PPM1H: variants seen among roughly 807,000 people sequenced by gnomAD.
PPM1H encodes the protein protein phosphatase 1H.
In PPM1H, 27 loss-of-function variants were observed where a neutral mutation model predicts 54.9. The observed-to-expected ratio is 0.49, with a 90% CI of 0.36 to 0.68. PPM1H has a LOEUF of 0.68. PPM1H is among the 30% of genes least tolerant of loss of function. The pLI is 0.00. For synonymous variants in PPM1H, 305 were observed against 270.8 expected (o/e 1.13, Z -1.24); for missense variants, 596 against 667.8 (o/e 0.89, Z 1.19).
intron 1 of PPM1H, among the ~76,000 whole-genome samples, chr12:62,871,096 A>T (rs1475572925): frequency 1.3e-5 from 2 of 152,166 alleles, no homozygotes; most frequent in Non-Finnish European, 2.9e-5. Flanking sequence ...TCACACAAAA[A>T]CTTGTACATT....
intron 4 of PPM1H, among the ~76,000 whole-genome samples, 198 bp downstream of exon 4, chr12:62,788,028 C>T (rs1265698782): frequency 1.3e-5 from 2 of 152,188 alleles, no homozygotes; most frequent in African/African-American, 2.4e-5. Flanking sequence ...TTATCACAGA[C>T]GTGTACATGA....
At chr12:62,725,715 G>A (rs2076286087) in intron 5 of PPM1H, among the ~76,000 whole-genome samples, 2 of 152,114 alleles carry the variant, frequency 1.3e-5, no homozygotes, top group African/African-American at 4.8e-5. Flanking sequence ...GATGGGTGAG[G>A]AAATCTTTTC....
chr12:62,680,329 T>C (rs1409335793), intron 8 of PPM1H, among the ~76,000 whole-genome samples: 2 of 150,608 alleles, frequency 1.3e-5, no homozygotes, highest in East Asian at 2.0e-4. Context: ...CTCTCTCTCT[T>C]TCTTTCTGTT....
At chr12:62,675,013 T>C (rs966274001) in intron 8 of PPM1H, among the ~76,000 whole-genome samples, 1 of 152,214 alleles carries the variant, frequency 6.6e-6, no homozygotes, top group Non-Finnish European at 1.5e-5. Flanking sequence ...ATGTAACTGA[T>C]CACAGGACTT....
intron 1 of PPM1H, among the ~76,000 whole-genome samples, chr12:62,927,382 G>A (rs1592674753): frequency 1.3e-5 from 2 of 152,110 alleles, no homozygotes; most frequent in South Asian, 4.1e-4. Flanking sequence ...GTTGGAGGCC[G>A]GGTGCGGTGG....
chr12:62,798,080 T>A (rs994964270), intron 3 of PPM1H, among the ~76,000 whole-genome samples: 2 of 152,134 alleles, frequency 1.3e-5, no homozygotes, highest in African/African-American at 4.8e-5. Context: ...CAGGTCTCAA[T>A]CCATTCAGTT....
intron 9 of PPM1H, among the ~76,000 whole-genome samples, chr12:62,654,309 C>T (rs905638759): frequency 2.7e-5 from 4 of 150,700 alleles, no homozygotes; most frequent in African/African-American, 9.8e-5. Flanking sequence ...GGCACACGCA[C>T]TAGGAGGCAA....
At chr12:62,891,428 T>C (rs1260406027) in intron 1 of PPM1H, among the ~76,000 whole-genome samples, 3 of 152,198 alleles carry the variant, frequency 2.0e-5, no homozygotes, top group Non-Finnish European at 4.4e-5. Context: ...TTTAGATAAT[T>C]AGATTTTTCC....
chr12:62,753,971 T>C (rs939725677), intron 4 of PPM1H, among the ~76,000 whole-genome samples: 3 of 152,134 alleles, frequency 2.0e-5, no homozygotes, highest in South Asian at 2.1e-4. Flanking sequence ...CCCTCTCACA[T>C]TGAGAAGGTG....
At chr12:62,850,402 A>G (rs1947929001) in intron 1 of PPM1H, among the ~76,000 whole-genome samples, 1 of 151,990 alleles carries the variant, frequency 6.6e-6, no homozygotes, top group South Asian at 2.1e-4. Context: ...TGACTCCTGA[A>G]AATTAAATAA....
chr12:62,912,348 C>T (rs1871486025), intron 1 of PPM1H, among the ~76,000 whole-genome samples: 1 of 152,120 alleles, frequency 6.6e-6, no homozygotes, highest in South Asian at 2.1e-4. Flanking sequence ...GTGGCAGTAA[C>T]AGATGTTTAT....
intron 8 of PPM1H, among the ~76,000 whole-genome samples, chr12:62,681,470 A>G (rs557762357): frequency 6.6e-6 from 1 of 152,156 alleles, no homozygotes; most frequent in African/African-American, 2.4e-5. Context: ...CTCTTGCTGA[A>G]GACCTTATCT....
At chr12:62,746,082 C>A (rs527605913) in intron 4 of PPM1H, among the ~76,000 whole-genome samples, 47 of 152,174 alleles carry the variant, frequency 3.1e-4, no homozygotes, top group Non-Finnish European at 6.6e-4. Flanking sequence ...ATAGTCCCAG[C>A]TACTCAGAAA....
intron 1 of PPM1H, among the ~76,000 whole-genome samples, chr12:62,857,983 C>G (rs1009760096): frequency 6.6e-6 from 1 of 151,978 alleles, no homozygotes; most frequent in African/African-American, 2.4e-5. Flanking sequence ...AGGCTTCAGA[C>G]TTTTTATGGC....
chr12:62,671,398 A>G (rs1359568284), intron 8 of PPM1H, among the ~76,000 whole-genome samples: 2 of 152,094 alleles, frequency 1.3e-5, no homozygotes, highest in East Asian at 1.9e-4. Context: ...TTTCAGAACA[A>G]TATAATCTGA....
At chr12:62,856,976 GTCTTT>G (rs1207080357) in intron 1 of PPM1H, among the ~76,000 whole-genome samples, 4 of 152,082 alleles carry the variant, frequency 2.6e-5, no homozygotes, top group Non-Finnish European at 4.4e-5. Flanking sequence ...CCTAAGAATT[GTCTTT>G]TCTTAAATTG....
intron 1 of PPM1H, among the ~76,000 whole-genome samples, chr12:62,846,408 G>A (rs1214274382): frequency 6.6e-6 from 1 of 151,540 alleles, no homozygotes; most frequent in African/African-American, 2.4e-5. Flanking sequence ...GCTGAGACAG[G>A]AGAATCTCTT....
chr12:62,887,703 G>A (rs2121068379), intron 1 of PPM1H, among the ~76,000 whole-genome samples: 1 of 152,292 alleles, frequency 6.6e-6, no homozygotes, highest in Admixed American at 6.5e-5. Context: ...GGAAGACAAG[G>A]AGGAAGATAC....
At position 62,804,085 on chromosome 12, in the gene PPM1H, G is replaced by A. The variant is rs146900204; in HGVS notation, c.412-1925C>T. On this transcript the variant is annotated intron_variant, in intron 2 of 9. Transcript: ENST00000228705. Reference sequence around the variant, plus strand: ...CATATTTCATGGTGAAATACTGCATGCTTTCCCATAACACTGGGCAAAACA... The same window carrying A: ...CATATTTCATGGTGAAATACTGCATACTTTCCCATAACACTGGGCAAAACA... 8.1e-4 allele frequency among the ~76,000 whole-genome samples: 124 copies of A among 152,312 alleles called. 1 individual carries two copies. In the East Asian group the frequency reaches 0.019, roughly 23 times the overall value.
Sources: allele counts gnomAD v4.1 joint callset (sites outside exome capture counted in the v4.1 genomes callset), GRCh38; gene constraint gnomAD v4.1.1; transcripts MANE v1.5; gene names NCBI Gene and HGNC (gene_info 2026-07-23, HGNC 2026-07-21).